ARMH3: variants seen among roughly 807,000 people sequenced by gnomAD.
ARMH3 encodes armadillo-like helical domain-containing protein 3.
A neutral mutation model predicts 99.1 loss-of-function variants in ARMH3; 60 were observed. The observed-to-expected ratio is 0.61, with a 90% CI of 0.49 to 0.75. ARMH3 has a LOEUF of 0.75. Ranked by LOEUF, ARMH3 falls within the 30% of genes least tolerant of loss-of-function variation. The pLI is 0.00. For missense variants in ARMH3, 679 were observed against 843.1 expected (o/e 0.81, Z 2.41); for synonymous variants, 285 against 292.8 (o/e 0.97, Z 0.27).
chr10:101,864,270 C>T (rs371629495), intron 24 of ARMH3, among the ~76,000 whole-genome samples: 1 of 152,050 alleles, frequency 6.6e-6, no homozygotes, highest in African/African-American at 2.4e-5. Flanking sequence ...TGTGGAGAAA[C>T]AGGAACACTT....
At chr10:102,044,683 G>T (rs937107873) in intron 1 of ARMH3, among the ~76,000 whole-genome samples, 2 of 151,986 alleles carry the variant, frequency 1.3e-5, no homozygotes, top group Non-Finnish European at 2.9e-5. Flanking sequence ...CATTTGTAAT[G>T]GACTGTCACC....
intron 24 of ARMH3, among the ~76,000 whole-genome samples, chr10:101,870,441 A>T (rs919634299): frequency 6.6e-6 from 1 of 152,236 alleles, no homozygotes; most frequent in Non-Finnish European, 1.5e-5. Flanking sequence ...GGATTGATGG[A>T]TGGAGATCTA....
chr10:102,045,235 G>T (rs1208893380), intron 1 of ARMH3, among the ~76,000 whole-genome samples: 2 of 150,710 alleles, frequency 1.3e-5, no homozygotes, highest in Admixed American at 6.6e-5. Flanking sequence ...AATTTTTTTT[G>T]AGTACCTTTT....
chr10:101,998,576 T>C (rs930556096), intron 15 of ARMH3, among the ~76,000 whole-genome samples: 3 of 152,232 alleles, frequency 2.0e-5, no homozygotes, highest in African/African-American at 7.2e-5. Context: ...TAACATATCT[T>C]AGACTCTGCC....
intron 2 of ARMH3, among the ~76,000 whole-genome samples, chr10:102,035,538 C>A (rs1482549556): frequency 6.6e-6 from 1 of 152,102 alleles, no homozygotes; most frequent in Admixed American, 6.5e-5. Flanking sequence ...GGAGTGCCTG[C>A]GATTGCAGGC....
At chr10:102,051,691 A>G (rs1348052982) in intron 1 of ARMH3, among the ~76,000 whole-genome samples, 3 of 152,166 alleles carry the variant, frequency 2.0e-5, no homozygotes, top group Non-Finnish European at 4.4e-5. Context: ...AGTAACTCAG[A>G]GACTTTCCCA....
chr10:101,899,573 A>C (rs1252697086), intron 23 of ARMH3, among the ~76,000 whole-genome samples: 4 of 152,202 alleles, frequency 2.6e-5, no homozygotes, highest in Admixed American at 1.3e-4. Context: ...CAACAACAAA[A>C]AAAGCAATTT....
At chr10:101,935,840 A>G (rs952503129) in intron 23 of ARMH3, among the ~76,000 whole-genome samples, 16 of 152,224 alleles carry the variant, frequency 1.1e-4, no homozygotes, top group African/African-American at 3.9e-4. Flanking sequence ...GAATTTTACT[A>G]CTAAGTGTTT....
intron 2 of ARMH3, chr10:102,033,575 C>T (rs1246065037): frequency 9.7e-6 from 4 of 410,766 alleles, no homozygotes; most frequent in African/African-American, 6.1e-5. Flanking sequence ...CCCACCACCT[C>T]GCCCGGCTAA....
At chr10:102,055,913 A>G (rs2067840629) in intron 1 of ARMH3, among the ~76,000 whole-genome samples, 172 bp downstream of exon 1, 1 of 152,104 alleles carries the variant, frequency 6.6e-6, no homozygotes. Flanking sequence ...CCTCCCCGGC[A>G]TACGCAGCTT....
intron 22 of ARMH3, among the ~76,000 whole-genome samples, chr10:101,944,728 C>T (rs541591654): frequency 3.3e-5 from 5 of 152,010 alleles, no homozygotes; most frequent in East Asian, 3.9e-4. Context: ...GCACAAGAAT[C>T]GCTTGAACCC....
At chr10:102,008,520 TTTTTA>T (rs891146709) in intron 13 of ARMH3, among the ~76,000 whole-genome samples, 3 of 151,938 alleles carry the variant, frequency 2.0e-5, no homozygotes, top group Non-Finnish European at 4.4e-5. Flanking sequence ...TTTGTTTGTT[TTTTTA>T]TTTTGTTTTA....
intron 23 of ARMH3, among the ~76,000 whole-genome samples, chr10:101,918,547 TA>T (rs1843178927): frequency 2.0e-5 from 3 of 152,182 alleles, no homozygotes; most frequent in Admixed American, 2.0e-4. Flanking sequence ...TATCCCATCC[TA>T]AAAACAGTCT....
At chr10:101,928,619 TGATTA>T (rs1843597220) in intron 23 of ARMH3, among the ~76,000 whole-genome samples, 1 of 151,834 alleles carries the variant, frequency 6.6e-6, no homozygotes, top group Non-Finnish European at 1.5e-5. Context: ...CAATGAGCTA[TGATTA>T]TGCCACTGCA....
Position 102,053,749 on chromosome 10 carries a change from T to C in ARMH3, c.-12+2336A>G, listed in dbSNP as rs555389238. ...ATCCCGGCTCACTGCAAGCTCCGCC[T>C]CCTGGGTTCATGCCATTCTCCTGCC... On this transcript the variant is annotated intron_variant, in intron 1 of 25. Transcript: ENST00000370033. 6.6e-5 allele frequency among the ~76,000 whole-genome samples: 10 copies of C among 151,188 alleles called. No individual in the cohort carries two copies. The East Asian group carries it at 2.0e-3, about 30-fold the overall frequency.
At chr10:101,948,423 T>G (rs1461342968) in intron 22 of ARMH3, among the ~76,000 whole-genome samples, 1 of 152,154 alleles carries the variant, frequency 6.6e-6, no homozygotes, top group East Asian at 1.9e-4. Context: ...AAGGTATGCA[T>G]GCAGATACTA....
At chr10:101,993,717 G>A in intron 16 of ARMH3, 114 bp from the exon 17 acceptor site, 1 of 674,556 alleles carries the variant, frequency 1.5e-6, no homozygotes, top group Non-Finnish European at 2.5e-6. Flanking sequence ...GGATCAGCTG[G>A]ACAGCTAATA....
chr10:101,946,039 TCCAGCCTGGGCG>T (rs1844504111), intron 22 of ARMH3, among the ~76,000 whole-genome samples: 5 of 109,012 alleles, frequency 4.6e-5, no homozygotes, highest in Admixed American at 1.3e-4. Context: ...GCCACTGCAC[TCCAGCCTGGGCG>T]ACAGAGTAAG....
intron 14 of ARMH3, among the ~76,000 whole-genome samples, chr10:102,005,467 C>T (rs973984172): frequency 6.7e-6 from 1 of 149,852 alleles, no homozygotes; most frequent in African/African-American, 2.5e-5. Context: ...ATATAACTAA[C>T]AATGGCACCT....
Sources: gnomAD v4.1 joint callset for allele counts (sites outside exome capture counted in the v4.1 genomes callset) on GRCh38, gnomAD v4.1.1 for gene constraint, MANE v1.5 for transcripts, NCBI Gene and HGNC (gene_info 2026-07-23, HGNC 2026-07-21) for gene names.